The following MYBPC3 variants were observed in gnomAD, a reference collection of about 807,000 sequenced individuals.
MYBPC3 encodes myosin binding protein C3.
In MYBPC3, 108 loss-of-function variants were observed where a neutral mutation model predicts 159.3. That is an observed-to-expected ratio of 0.68 (90% confidence interval 0.58 to 0.80). MYBPC3 has a LOEUF of 0.80. Among genes scored for constraint, MYBPC3 ranks in the 30% least tolerant of loss-of-function variants. MYBPC3 has a pLI of 0.00. For synonymous variants in MYBPC3, 730 were observed against 702.0 expected, an observed-to-expected ratio of 1.04 and a Z score of -0.63; for missense variants, 1,631 against 1,762.1, an observed-to-expected ratio of 0.93 and a Z score of 1.33.
chr11:47,343,177 A>G, intron 14 of MYBPC3, 32 bp from the exon 15 acceptor site: 2 of 1,603,476 alleles, frequency 1.2e-6, no homozygotes, highest in Non-Finnish European at 8.5e-7. Flanking sequence ...GTGGCAGGAA[A>G]GCTGCGGACA....
Position 47,346,631 on chromosome 11 carries a change from G to C in MYBPC3, c.922C>G (p.Pro308Ala). 6.3e-7 allele frequency: 1 copy of C among 1,596,620 alleles called. No individual in the cohort carries two copies. The highest frequency in any genetic ancestry group is 1.7e-5 in the Admixed American group (1 of 57,356). ...LLKKRDSFRT[P>A]RDSKLEAPAE... ...TGTGCTATGTTGGGCACTCACCTCG[G>C]GGTCCGGAAACTGCTGCTCCAGGGG... Residue 308 changes from proline (P) to alanine (A), a missense_variant, in exon 11 of 35, where the codon CCG (proline) becomes GCG (alanine). Pro to Ala is a conservative substitution (Grantham distance 27, BLOSUM62 -1). Transcript: ENST00000545968. This position sits in a 1 kb window ranked among gnomAD's most constrained non-coding sequence, Gnocchi z 5.3.
At chr11:47,349,407 G>A (rs944092378) in intron 5 of MYBPC3, among the ~76,000 whole-genome samples, 4 of 152,052 alleles carry the variant, frequency 2.6e-5, no homozygotes, top group Admixed American at 6.6e-5. Flanking sequence ...CACCCATCCA[G>A]GGGCTTTACA....
Position 47,350,014 on chromosome 11 carries a change from C to T in MYBPC3, c.505G>A (p.Gly169Ser), listed in dbSNP as rs886039212. Reference sequence around the variant, plus strand: ...GCTGGGCACAGCAGCTCACACTCACCCACGGTCACCTCGCCATCCTGTGGC... The same window carrying T: ...GCTGGGCACAGCAGCTCACACTCACTCACGGTCACCTCGCCATCCTGTGGC... Reference protein sequence around the residue: ...MRPQDGEVTVGGSITFSARVA... With the variant: ...MRPQDGEVTVSGSITFSARVA... The change falls in exon 4 of 35, where the codon GGT becomes AGT. Residue 169 changes from glycine to serine, a missense_variant and splice_region_variant. Transcript: ENST00000545968. 3 of 1,560,544 alleles carry T rather than the reference C, an allele frequency of 1.9e-6. No homozygotes were observed. The African/African-American group carries it at 4.1e-5, about 21-fold the overall frequency.
chr11:47,341,069 AGGCAGGGCCCAGTGACAGG>A (rs759288939), intron 19 of MYBPC3, 37 bp from the exon 20 acceptor site: 2 of 1,571,784 alleles, frequency 1.3e-6, no homozygotes, highest in South Asian at 2.3e-5. Flanking sequence ...ACGGGGGCAA[AGGCAGGGCCCAGTGACAGG>A]GGCTCCTGGC....
At chr11:47,347,535 G>A in intron 8 of MYBPC3, 56 bp from the exon 9 acceptor site, 1 of 1,571,576 alleles carries the variant, frequency 6.4e-7, no homozygotes, top group Non-Finnish European at 8.6e-7. Context: ...GGGATTAGGA[G>A]CAGGATGGGA....
rs1180029248 is a variant in MYBPC3 at position 47,347,463 on chromosome 11, T to C, written c.868A>G (p.Thr290Ala). 2.5e-6 allele frequency: 4 copies of C among 1,596,592 alleles called. No individual in the cohort carries two copies. The highest frequency in any genetic ancestry group is 3.4e-6 in the Non-Finnish European group (4 of 1,171,880). Residue 290 changes from threonine (T) to alanine (A), a missense_variant, in exon 9 of 35, where the codon ACT becomes GCT. Physicochemically the swap from Thr to Ala is moderately conservative, Grantham distance 58 (BLOSUM62 0). Transcript: ENST00000545968. ...AGTGAGCTGAAGTCCAGAATCCCAG[T>C]GTCCTCATGGCTATCACTATGGAGA... ...GRRISDSHED[T>A]GILDFSSLLK...
In MYBPC3 at chr11:47,349,788, C is replaced by T. The variant is rs769167548; in HGVS notation, c.640G>A (p.Asp214Asn). The stretch of plus-strand genomic sequence containing the variant: ...GGTGGACCCACCTTGCTGGCGCGGT[C>T]GTAGCTGTCGTGCAGCTGCAGGTGC... ...GQHLQLHDSYDRASKVYLFEL... is the reference protein window; with the variant it reads ...GQHLQLHDSYNRASKVYLFEL... Residue 214 changes from aspartate (D) to asparagine (N), a missense_variant, in exon 5 of 35, where the codon GAC becomes AAC. Asp to Asn is a conservative substitution (Grantham distance 23). Transcript: ENST00000545968. 33 of 1,606,640 alleles carry T rather than the reference C, an allele frequency of 2.1e-5. No individual in the cohort carries two copies. The African/African-American group carries it at 2.4e-4, about 12-fold the overall frequency.
At chr11:47,345,152 C>T (rs2095892914) in intron 12 of MYBPC3, among the ~76,000 whole-genome samples, 3 of 152,356 alleles carry the variant, frequency 2.0e-5, no homozygotes, top group African/African-American at 7.2e-5. Context: ...TCGGAGGTCC[C>T]CATCTGCCTT....
chr11:47,340,798 T>C (rs1283854266), intron 20 of MYBPC3, among the ~76,000 whole-genome samples: 1 of 152,230 alleles, frequency 6.6e-6, no homozygotes, highest in Admixed American at 6.5e-5. Context: ...GAGGTGGCAC[T>C]ATCAGGGTTC....
intron 5 of MYBPC3, 58 bp downstream of exon 5, chr11:47,349,716 C>A (rs2095898285): frequency 2.6e-6 from 4 of 1,564,324 alleles, no homozygotes; most frequent in Admixed American, 1.8e-5. Flanking sequence ...GTGCCTTGTG[C>A]CTTCTAGGGC....
At chr11:47,336,745 G>C (rs927650074) in intron 25 of MYBPC3, among the ~76,000 whole-genome samples, 9 of 152,158 alleles carry the variant, frequency 5.9e-5, no homozygotes, top group African/African-American at 2.2e-4. Context: ...ACCCTAGTGG[G>C]AACAGGTGTC....
rs1461148074 is a variant in MYBPC3, at chr11:47,343,112, G to A, written c.1260C>T (p.Thr420=). ...CCAATGAGCACTGGCTGATGGTCAG[G>A]GTACGCTTGGCACCGATGGACTCAA... The part of the protein sequence containing the change: ...YIFESIGAKR[T]LTISQCSLAD... Residue 420 remains threonine (T), a synonymous_variant, in exon 15 of 35, where the codon ACC becomes ACT. Coordinates refer to ENST00000545968, the MANE Select transcript of MYBPC3 (RefSeq NM_000256.3). 1 of 1,611,924 alleles carries A rather than the reference G, an allele frequency of 6.2e-7. No homozygotes were observed. Among genetic ancestry groups the A allele is most frequent in the Admixed American group, 1.7e-5 (1 of 59,708 alleles).
Position 47,332,672 on chromosome 11 carries a change from G to T in MYBPC3, c.3521C>A (p.Ala1174Asp). 1.9e-6 allele frequency: 3 copies of T among 1,612,872 alleles called. No homozygotes were observed. Among genetic ancestry groups the T allele is most frequent in the Non-Finnish European group, 2.5e-6 (3 of 1,179,398 alleles). ...GCTTGGGGCCTCGGAGAAGTCCAGG[G>T]CCTTATAGTTGGGTGGCTCATAGGT... Reference protein sequence around the residue: ...GITYEPPNYKALDFSEAPSFT... With the variant: ...GITYEPPNYKDLDFSEAPSFT... Residue 1174 changes from alanine to aspartate, a missense_variant, in exon 32 of 35, where the codon GCC becomes GAC. Transcript: ENST00000545968. The surrounding 1 kb of genome is among the most constrained non-coding windows in gnomAD (Gnocchi z 4.2).
intron 23 of MYBPC3, among the ~76,000 whole-genome samples, 158 bp from the exon 24 acceptor site, chr11:47,337,952 C>CTT (rs11323436): frequency 7.4e-4 from 86 of 116,628 alleles, no homozygotes; most frequent in African/African-American, 2.2e-3. Flanking sequence ...TCTTCTTTTC[C>CTT]TTTTTTTTTT....
rs372821359 is a variant in MYBPC3 at position 47,332,218 on chromosome 11, T to C, written c.3668A>G (p.Glu1223Gly). ...SWFKNGLDLG[E>G]DARFRMFSKQ... The stretch of plus-strand genomic sequence containing the variant: ...GCTGAACATGCGGAAGCGGGCGTCT[T>C]CTCCCAGGTCCAGGCCATTCTTGAA... Residue 1223 changes from glutamate to glycine, a missense_variant, in exon 33 of 35, where the codon GAA (glutamate) becomes GGA (glycine). Glu to Gly is a moderately conservative substitution (Grantham distance 98). Transcript: ENST00000545968. The surrounding 1 kb of genome is among the most constrained non-coding windows in gnomAD (Gnocchi z 4.2). 1 of 1,613,846 alleles carries C rather than the reference T, an allele frequency of 6.2e-7. No homozygotes were observed. Among genetic ancestry groups the C allele is most frequent in the African/African-American group, 1.3e-5 (1 of 75,050 alleles).
Position 47,335,951 on chromosome 11 carries a change from A to G in MYBPC3, c.2663T>C (p.Leu888Pro). Residue 888 changes from leucine to proline, a missense_variant, in exon 26 of 35, where the codon CTC becomes CCC. Physicochemically the swap from Leu to Pro is moderately conservative, Grantham distance 98. Transcript: ENST00000545968. ...VEDVSDTTVSLKWRPPERVGA... is the reference protein window; with the variant it reads ...VEDVSDTTVSPKWRPPERVGA... ...CACGCGCTCTGGGGGCCGCCACTTG[A>G]GGGAGACCGTGGTGTCAGAGACGTC... 1 of 1,567,170 alleles carries G rather than the reference A, an allele frequency of 6.4e-7. No homozygotes were observed. Among genetic ancestry groups the G allele is most frequent in the South Asian group, 1.2e-5 (1 of 84,228 alleles).
At chr11:47,352,583 CT>C (rs762553800) in intron 1 of MYBPC3, 39 bp downstream of exon 1, 1 of 1,601,196 alleles carries the variant, frequency 6.2e-7, no homozygotes, top group African/African-American at 1.4e-5. Flanking sequence ...AGACACCCCC[CT>C]GCTCCCACAC....
rs58411933 is a variant in MYBPC3, at chr11:47,348,908, TTATATATATA to T, written c.655-377_655-368del. Among the ~76,000 whole-genome samples the T allele has an allele frequency of 6.0e-4, 24 of 39,876 alleles. 3 individuals are homozygous for T. Among genetic ancestry groups the T allele is most frequent in the Admixed American group, 5.5e-3 (18 of 3,254 alleles). 26.2% of individuals were successfully genotyped at this position (39,876 alleles called of 152,430 possible). The stretch of plus-strand genomic sequence containing the variant: ...CGACAGAGCGAGACCCTGTCTCAAA[TTATATATATA>T]TATATATATTTAAAGGAGGCTGGGA... On this transcript the variant is annotated intron_variant, in intron 5 of 34. Transcript: ENST00000545968.
In MYBPC3 at chr11:47,331,686, C is replaced by G; in HGVS notation, c.*57G>C. Reference sequence around the variant, plus strand: ...GGGGTTTCCCCAACTTCCCTCCAGGCTCCTGGCACGGGGCTGGCATCCGGT... The same window carrying G: ...GGGGTTTCCCCAACTTCCCTCCAGGGTCCTGGCACGGGGCTGGCATCCGGT... On this transcript the variant is annotated 3_prime_UTR_variant, in exon 35 of 35. Transcript: ENST00000545968. 4.0e-6 allele frequency: 3 copies of G among 744,828 alleles called. No individual in the cohort carries two copies. The highest frequency in any genetic ancestry group is 6.4e-6 in the Non-Finnish European group (3 of 470,820). 46.1% of individuals were successfully genotyped at this position (744,828 alleles called of 1,614,324 possible). A position where few individuals can be genotyped will look rare whatever the true frequency, so the allele number is the denominator to read the frequency against.
Sources: gnomAD v4.1 joint callset for allele counts (sites outside exome capture counted in the v4.1 genomes callset) on GRCh38, gnomAD v4.1.1 for gene constraint, Gnocchi (gnomAD v3.1) non-coding constraint, MANE v1.5 for transcripts, NCBI Gene and HGNC (gene_info 2026-07-23, HGNC 2026-07-21) for gene names.